The following FBXL7 variants were observed in gnomAD, a reference collection of about 807,000 sequenced individuals.
The protein encoded by FBXL7 is F-box/LRR-repeat protein 7.
Under a neutral mutation model 38.3 loss-of-function variants are expected in FBXL7, and 12 were observed. The observed-to-expected ratio is 0.31, with a 90% CI of 0.20 to 0.51. The LOEUF (loss-of-function observed/expected upper bound fraction) is 0.51, where lower values mean the gene tolerates loss of function less well. FBXL7 is among the 20% of genes least tolerant of loss of function. FBXL7 has a pLI of 0.98. For missense variants in FBXL7, 567 were observed against 676.4 expected (o/e 0.84, Z 1.79); for synonymous variants, 297 against 300.9 (o/e 0.99, Z 0.13).
intron 2 of FBXL7, among the ~76,000 whole-genome samples, chr5:15,754,914 A>G (rs994744660): frequency 2.0e-5 from 3 of 152,302 alleles, no homozygotes; most frequent in African/African-American, 7.2e-5. Flanking sequence ...GCTCACTACA[A>G]TGACCAAAGT....
At chr5:15,651,348 G>A (rs112561548) in intron 2 of FBXL7, among the ~76,000 whole-genome samples, 28 of 152,044 alleles carry the variant, frequency 1.8e-4, no homozygotes, top group African/African-American at 6.0e-4. Context: ...TGCCCACCTC[G>A]GCCTCCAAAG....
At chr5:15,525,260 G>C (rs1232175491) in intron 1 of FBXL7, among the ~76,000 whole-genome samples, 1 of 152,118 alleles carries the variant, frequency 6.6e-6, no homozygotes, top group African/African-American at 2.4e-5. Flanking sequence ...ACATCTTTAT[G>C]TCAAAAAGTC....
At chr5:15,781,455 G>GCA (rs1736990680) in intron 2 of FBXL7, among the ~76,000 whole-genome samples, 1 of 151,504 alleles carries the variant, frequency 6.6e-6, no homozygotes, top group Admixed American at 6.6e-5. Flanking sequence ...GTGTGCGCGC[G>GCA]CGTGTGTGTG....
intron 2 of FBXL7, among the ~76,000 whole-genome samples, chr5:15,799,014 A>T (rs1737489055): frequency 6.6e-6 from 1 of 152,214 alleles, no homozygotes; most frequent in South Asian, 2.1e-4. Context: ...AAATAATCAC[A>T]CATTTTTCTA....
At chr5:15,690,528 C>T (rs1743150569) in intron 2 of FBXL7, among the ~76,000 whole-genome samples, 1 of 152,062 alleles carries the variant, frequency 6.6e-6, no homozygotes, top group Non-Finnish European at 1.5e-5. Flanking sequence ...TTTATCATTT[C>T]TTTGTGGTGA....
chr5:15,775,760 C>T (rs542606063), intron 2 of FBXL7, among the ~76,000 whole-genome samples: 19 of 152,222 alleles, frequency 1.2e-4, no homozygotes, highest in African/African-American at 2.9e-4. Context: ...TAATTAAAAA[C>T]GAGGATAGCA....
rs141320905 is a variant in FBXL7, at chr5:15,683,350, G to A, written c.127+67278G>A. The stretch of plus-strand genomic sequence containing the variant: ...TTTTGTGGGAAAGTGAGGCTGGACT[G>A]TATGAGGGCTGAGCAGGGACCAGGA... On this transcript the variant is annotated intron_variant, in intron 2 of 3. Coordinates refer to ENST00000504595, the MANE Select transcript of FBXL7 (RefSeq NM_012304.5). Among the ~76,000 whole-genome samples, 1,354 of 152,314 alleles carry A rather than the reference G, an allele frequency of 8.9e-3. 11 individuals are homozygous for A. Among genetic ancestry groups the A allele is most frequent in the African/African-American group, 0.031 (1,291 of 41,568 alleles).
In FBXL7 at chr5:15,504,638, G is replaced by A. The variant is rs77709890; in HGVS notation, c.37+3925G>A. Among the ~76,000 whole-genome samples the A allele has an allele frequency of 7.2e-5, 11 of 152,290 alleles. No individual in the cohort carries two copies. The East Asian group carries it at 1.9e-3, about 27-fold the overall frequency. On this transcript the variant is annotated intron_variant, in intron 1 of 3. Coordinates refer to ENST00000504595, the MANE Select transcript of FBXL7 (RefSeq NM_012304.5). Reference sequence around the variant, plus strand: ...CTCCAGGGATAAAGCTAATATCTACGTGATTAGTATGGTCTGGTAAATTCT... The same window carrying A: ...CTCCAGGGATAAAGCTAATATCTACATGATTAGTATGGTCTGGTAAATTCT...
chr5:15,842,991 A>G (rs1738790176), intron 2 of FBXL7, among the ~76,000 whole-genome samples: 1 of 152,244 alleles, frequency 6.6e-6, no homozygotes, highest in Non-Finnish European at 1.5e-5. Context: ...TACAAATATA[A>G]GGTTATATAC....
intron 2 of FBXL7, among the ~76,000 whole-genome samples, chr5:15,878,998 A>T (rs760398799): frequency 5.9e-5 from 9 of 152,172 alleles, no homozygotes; most frequent in Non-Finnish European, 1.3e-4. Context: ...GTCCATCTAG[A>T]TCAGTTGCAT....
At chr5:15,640,494 A>T (rs1213457873) in intron 2 of FBXL7, among the ~76,000 whole-genome samples, 1 of 151,078 alleles carries the variant, frequency 6.6e-6, no homozygotes, top group Non-Finnish European at 1.5e-5. Context: ...ATAAGGTCAC[A>T]TTCTGAGGTA....
At chr5:15,772,024 G>C (rs1313866413) in intron 2 of FBXL7, among the ~76,000 whole-genome samples, 2 of 151,986 alleles carry the variant, frequency 1.3e-5, no homozygotes, top group African/African-American at 4.8e-5. Context: ...ACCCGCCTGG[G>C]CCTCCCAAAG....
intron 2 of FBXL7, among the ~76,000 whole-genome samples, chr5:15,825,788 A>G (rs1444752414): frequency 6.6e-6 from 1 of 152,220 alleles, no homozygotes; most frequent in Non-Finnish European, 1.5e-5. Context: ...TAAAAGTAAT[A>G]CCATCTAACA....
intron 2 of FBXL7, among the ~76,000 whole-genome samples, chr5:15,804,586 C>G (rs2126745327): frequency 6.6e-6 from 1 of 152,188 alleles, no homozygotes; most frequent in Admixed American, 6.5e-5. Flanking sequence ...ATCAGGGGTC[C>G]CCAACCCCTA....
intron 2 of FBXL7, among the ~76,000 whole-genome samples, chr5:15,815,098 G>C (rs1038363866): frequency 6.6e-6 from 1 of 152,106 alleles, no homozygotes; most frequent in Admixed American, 6.5e-5. Context: ...TTACATTTTT[G>C]TGTTCTACCA....
intron 2 of FBXL7, among the ~76,000 whole-genome samples, chr5:15,896,919 A>G (rs1458439248): frequency 6.6e-6 from 1 of 152,172 alleles, no homozygotes; most frequent in Non-Finnish European, 1.5e-5. Flanking sequence ...AGATCACTTG[A>G]GGCCAGGAGT....
intron 2 of FBXL7, among the ~76,000 whole-genome samples, chr5:15,799,332 T>C (rs911939394): frequency 6.7e-6 from 1 of 150,068 alleles, no homozygotes; most frequent in East Asian, 2.0e-4. Context: ...AAAGATCTTT[T>C]AGGTGCCTGC....
intron 2 of FBXL7, among the ~76,000 whole-genome samples, chr5:15,825,267 C>T (rs1478503520): frequency 1.3e-5 from 2 of 151,994 alleles, no homozygotes; most frequent in Admixed American, 6.6e-5. Context: ...CTGTTGTAGT[C>T]ACTCTTATTC....
At chr5:15,519,939 A>T (rs1580349076) in intron 1 of FBXL7, among the ~76,000 whole-genome samples, 1 of 152,200 alleles carries the variant, frequency 6.6e-6, no homozygotes, top group Non-Finnish European at 1.5e-5. Flanking sequence ...AGATGAGTAA[A>T]AGAGTGGTAC....
Sources: gnomAD v4.1 joint callset for allele counts (sites outside exome capture counted in the v4.1 genomes callset) on GRCh38, gnomAD v4.1.1 for gene constraint, MANE v1.5 for transcripts, NCBI Gene and HGNC (gene_info 2026-07-23, HGNC 2026-07-21) for gene names.